Variants in GAP43 observed in about 807,000 individuals in gnomAD.
GAP43 encodes the protein neuromodulin.
A neutral mutation model predicts 18.6 loss-of-function variants in GAP43; 6 were observed. The ratio of observed to expected loss-of-function variants is 0.32; its 90% CI spans 0.18 to 0.64. The LOEUF (loss-of-function observed/expected upper bound fraction) is 0.64, where lower values mean the gene tolerates loss of function less well. Ranked by LOEUF, GAP43 falls within the 30% of genes least tolerant of loss-of-function variation. The probability of loss-of-function intolerance (pLI) is 0.78; values close to 1 mark genes in which losing one functional copy is unlikely to be tolerated. For missense variants in GAP43, 292 were observed against 295.5 expected, an observed-to-expected ratio of 0.99 and a Z score of 0.09; for synonymous variants, 115 against 111.4, an observed-to-expected ratio of 1.03 and a Z score of -0.20.
chr3:115,659,105 A>G (rs553434649), intron 1 of GAP43: 1 of 152,372 alleles, frequency 6.6e-6, no homozygotes, highest in East Asian at 1.9e-4. Flanking sequence ...CTCTTTCTCT[A>G]ACAGGGCCAG....
intron 1 of GAP43, among the ~76,000 whole-genome samples, chr3:115,649,223 C>G (rs1708494554): frequency 6.6e-6 from 1 of 152,088 alleles, no homozygotes; most frequent in East Asian, 1.9e-4. Flanking sequence ...CTGTTGCATC[C>G]TCACATGGCA....
At chr3:115,664,059 T>C (rs961069815) in intron 1 of GAP43, 2 of 759,168 alleles carry the variant, frequency 2.6e-6, no homozygotes, top group African/African-American at 1.8e-5. Context: ...TGTAAGATAA[T>C]AGTACCCATT....
At chr3:115,712,660 A>T (rs769526912) in intron 2 of GAP43, among the ~76,000 whole-genome samples, 1 of 152,194 alleles carries the variant, frequency 6.6e-6, no homozygotes, top group Non-Finnish European at 1.5e-5. Context: ...TATTATGTGT[A>T]TATTAGGAAA....
At chr3:115,664,422 T>C (rs1233440979) in intron 1 of GAP43, among the ~76,000 whole-genome samples, 1 of 152,162 alleles carries the variant, frequency 6.6e-6, no homozygotes, top group Non-Finnish European at 1.5e-5. Flanking sequence ...TATTGTCTTC[T>C]TCCAGGCATT....
intron 2 of GAP43, among the ~76,000 whole-genome samples, chr3:115,709,909 GTTTTCAAGC>G (rs1182396842): frequency 1.3e-5 from 2 of 151,536 alleles, no homozygotes; most frequent in Non-Finnish European, 2.9e-5. Context: ...TTAAACATAT[GTTTTCAAGC>G]TTTTCCAGTT....
chr3:115,710,843 A>AT (rs917407061), intron 2 of GAP43, among the ~76,000 whole-genome samples: 8 of 152,060 alleles, frequency 5.3e-5, no homozygotes, highest in Non-Finnish European at 1.0e-4. Flanking sequence ...AACATAGCCT[A>AT]TTTTTTTTCC....
chr3:115,687,635 G>A (rs551359747), intron 2 of GAP43, among the ~76,000 whole-genome samples: 3 of 152,238 alleles, frequency 2.0e-5, no homozygotes, highest in East Asian at 1.9e-4. Context: ...TGGGAATTGC[G>A]GTTGTTTTGC....
At chr3:115,692,154 T>C (rs988086099) in intron 2 of GAP43, among the ~76,000 whole-genome samples, 13 of 152,292 alleles carry the variant, frequency 8.5e-5, no homozygotes, top group Admixed American at 8.5e-4. Context: ...ACAAAAATAT[T>C]ATGATGCACT....
rs567026793 is a variant in GAP43, at chr3:115,646,071, T to A, written c.30+22352T>A. On this transcript the variant is annotated intron_variant, in intron 1 of 2. Coordinates refer to ENST00000305124, the MANE Select transcript of GAP43 (RefSeq NM_002045.4). ...ACTCCTATAACTAAACCATATTGGA[T>A]TATGCCTCTTGCCAAGATTATTCTT... 2.0e-5 allele frequency among the ~76,000 whole-genome samples: 3 copies of A among 152,238 alleles called. No individual in the cohort carries two copies. In the East Asian group the frequency reaches 5.8e-4, roughly 29 times the overall value.
chr3:115,720,540 G>T (rs1160356335), intron 2 of GAP43, among the ~76,000 whole-genome samples: 1 of 152,188 alleles, frequency 6.6e-6, no homozygotes, highest in African/African-American at 2.4e-5. Context: ...AGTAACTTTT[G>T]TTAAGTGGTC....
chr3:115,714,616 C>G (rs1193331251), intron 2 of GAP43, among the ~76,000 whole-genome samples: 1 of 151,630 alleles, frequency 6.6e-6, no homozygotes, highest in Non-Finnish European at 1.5e-5. Flanking sequence ...AAATTTGTGT[C>G]TTGAAAAAAC....
At chr3:115,683,140 C>CGT (rs1559800382) in intron 2 of GAP43, among the ~76,000 whole-genome samples, 19 of 131,176 alleles carry the variant, frequency 1.4e-4, no homozygotes, top group South Asian at 4.8e-4. Context: ...CGCGTGCGCG[C>CGT]GCGCGCGCAC....
At chr3:115,668,348 G>A (rs115352526) in intron 1 of GAP43, among the ~76,000 whole-genome samples, 1,789 of 152,194 alleles carry the variant, frequency 0.012, 28 homozygotes, top group Middle Eastern at 0.034. Context: ...CTTAAGCTTT[G>A]GAGAGCAATA....
intron 2 of GAP43, among the ~76,000 whole-genome samples, chr3:115,690,734 CTTTT>C (rs764462426): frequency 1.5e-5 from 2 of 131,482 alleles, no homozygotes; most frequent in South Asian, 2.5e-4. Flanking sequence ...CTGGGCAAAT[CTTTT>C]TTTTTTTTTT....
intron 2 of GAP43, among the ~76,000 whole-genome samples, chr3:115,699,750 G>C (rs1239257504): frequency 6.6e-6 from 1 of 152,102 alleles, no homozygotes. Context: ...CTTTAAGAAG[G>C]ATTTTATTTA....
At chr3:115,709,210 T>C (rs1348689421) in intron 2 of GAP43, among the ~76,000 whole-genome samples, 1 of 152,200 alleles carries the variant, frequency 6.6e-6, no homozygotes, top group Non-Finnish European at 1.5e-5. Flanking sequence ...CAAATTTACA[T>C]GTCTTACTCC....
intron 2 of GAP43, among the ~76,000 whole-genome samples, chr3:115,703,031 G>A (rs943898021): frequency 1.3e-5 from 2 of 152,082 alleles, no homozygotes; most frequent in South Asian, 2.1e-4. Flanking sequence ...TTTCCTAATT[G>A]TTGATGTTTT....
At chr3:115,667,285 A>C (rs1051616432) in intron 1 of GAP43, among the ~76,000 whole-genome samples, 1 of 152,208 alleles carries the variant, frequency 6.6e-6, no homozygotes, top group African/African-American at 2.4e-5. Flanking sequence ...GATCATAAGA[A>C]CTAAGAGGGG....
At chr3:115,694,186 A>C (rs1419247748) in intron 2 of GAP43, among the ~76,000 whole-genome samples, 1 of 152,200 alleles carries the variant, frequency 6.6e-6, no homozygotes, top group Non-Finnish European at 1.5e-5. Flanking sequence ...CTGCTGTTAC[A>C]GGCAGCCCAG....
Sources: gnomAD v4.1 joint callset for allele counts (sites outside exome capture counted in the v4.1 genomes callset) on GRCh38, gnomAD v4.1.1 for gene constraint, MANE v1.5 for transcripts, NCBI Gene and HGNC (gene_info 2026-07-23, HGNC 2026-07-21) for gene names.